UGT1A10: variants seen among roughly 807,000 people sequenced by gnomAD.
UGT1A10 encodes UDP glucuronosyltransferase family 1 member A10.
UGT1A10 carries 49 observed loss-of-function variants against 45.8 expected under a neutral mutation model. The observed-to-expected ratio is 1.07, with a 90% CI of 0.85 to 1.36. UGT1A10 has a LOEUF of 1.36. UGT1A10 is among the 40% of genes most tolerant of loss of function. The pLI is 0.00. For synonymous variants in UGT1A10, 284 were observed against 249.7 expected (o/e 1.14, Z -1.29); for missense variants, 745 against 668.6 (o/e 1.11, Z -1.26).
At chr2:233,729,179 T>C (rs200023814) in intron 1 of UGT1A10, 112 of 1,613,806 alleles carry the variant, frequency 6.9e-5, no homozygotes, top group Non-Finnish European at 9.3e-6. Context: ...GGACTGCTGC[T>C]TCTCCTCAGT....
intron 1 of UGT1A10, among the ~76,000 whole-genome samples, chr2:233,763,888 CT>C (rs1451970704): frequency 2.0e-5 from 3 of 152,126 alleles, no homozygotes; most frequent in Non-Finnish European, 1.5e-5. Flanking sequence ...AGAAAAATAA[CT>C]AAACAGAAGA....
Position 233,637,015 on chromosome 2 carries a change from T to C in UGT1A10, c.493T>C (p.Ser165Pro). 6.2e-7 allele frequency: 1 copy of C among 1,614,054 alleles called. No homozygotes were observed. Among genetic ancestry groups the C allele is most frequent in the East Asian group, 2.2e-5 (1 of 44,872 alleles). ...TGTTGCTAAATATTTCTCCCTCCCC[T>C]CTGTGGTCTTCACCAGGGGAATATT... ...LIVAKYFSLPSVVFTRGIFCH... is the reference protein window; with the variant it reads ...LIVAKYFSLPPVVFTRGIFCH... Residue 165 changes from serine (S) to proline (P), a missense_variant, in exon 1 of 5, where the codon TCT becomes CCT. Ser to Pro is a moderately conservative substitution (Grantham distance 74). Transcript: ENST00000344644.
chr2:233,691,508 C>G (rs1369652269), intron 1 of UGT1A10: 4 of 985,724 alleles, frequency 4.1e-6, no homozygotes, highest in Non-Finnish European at 4.8e-6. Context: ...ACTCGCGTGC[C>G]AGCCAGGTGT....
chr2:233,756,907 T>G (rs1416873228), intron 1 of UGT1A10, among the ~76,000 whole-genome samples: 2 of 152,072 alleles, frequency 1.3e-5, no homozygotes, highest in Admixed American at 6.5e-5. Flanking sequence ...CAGAACAAAC[T>G]TCTGAGTTTA....
rs150837733 is a variant in UGT1A10, at chr2:233,735,056, T to A, written c.856-31978T>A. ...TGCTTGGTGCAGAGCTGAGTTCAGG[T>A]CCTGGATATCCTTGTTAACCTTTGG... On this transcript the variant is annotated intron_variant, in intron 1 of 4. Coordinates refer to ENST00000344644, the MANE Select transcript of UGT1A10 (RefSeq NM_019075.4). 1.8e-3 allele frequency among the ~76,000 whole-genome samples: 281 copies of A among 152,326 alleles called. 3 individuals are homozygous for A. Among genetic ancestry groups the A allele is most frequent in the East Asian group, 0.013 (69 of 5,186 alleles).
At chr2:233,735,868 CAG>C (rs201129034) in intron 1 of UGT1A10, among the ~76,000 whole-genome samples, 5,840 of 152,248 alleles carry the variant, frequency 0.038, 150 homozygotes, top group Non-Finnish European at 0.054. Flanking sequence ...AGGGTTTCTG[CAG>C]AGAGATCTGC....
chr2:233,748,002 G>T, intron 1 of UGT1A10: 1 of 1,613,500 alleles, frequency 6.2e-7, no homozygotes, highest in Non-Finnish European at 8.5e-7. Context: ...CTTTGTGATG[G>T]ATTACCCCAG....
chr2:233,649,970 T>A (rs185073890), intron 1 of UGT1A10, among the ~76,000 whole-genome samples: 2 of 151,996 alleles, frequency 1.3e-5, no homozygotes, highest in Admixed American at 6.6e-5. Flanking sequence ...CAAGGTTTTT[T>A]GTTTGTTTGT....
At position 233,772,459 on chromosome 2, in the gene UGT1A10, C is replaced by G. The variant is rs1268705566; in HGVS notation, c.1493C>G (p.Thr498Arg). The change falls in exon 5 of 5, where the codon ACA becomes AGA. Residue 498 changes from threonine to arginine, a missense_variant. Coordinates refer to ENST00000344644, the MANE Select transcript of UGT1A10 (RefSeq NM_019075.4). ...VIGFLLAVVL[T>R]VAFITFKCCA... is the part of the protein sequence containing the mutation. Reference sequence around the variant, plus strand: ...GGTTTCCTCTTGGCCGTCGTGCTGACAGTGGCCTTCATCACCTTTAAATGT... The same window carrying G: ...GGTTTCCTCTTGGCCGTCGTGCTGAGAGTGGCCTTCATCACCTTTAAATGT... 5 of 1,614,074 alleles carry G rather than the reference C, an allele frequency of 3.1e-6. No individual in the cohort carries two copies. In the Admixed American group the frequency reaches 8.3e-5, roughly 27 times the overall value.
chr2:233,640,033 G>A (rs1410744336), intron 1 of UGT1A10, among the ~76,000 whole-genome samples: 1 of 152,202 alleles, frequency 6.6e-6, no homozygotes, highest in Non-Finnish European at 1.5e-5. Flanking sequence ...GTGCAGCTCT[G>A]CAGACCTGGG....
chr2:233,694,940 T>G (rs779505929), intron 1 of UGT1A10, among the ~76,000 whole-genome samples: 17 of 152,240 alleles, frequency 1.1e-4, no homozygotes, highest in Non-Finnish European at 2.4e-4. Context: ...TCAGGGTAAT[T>G]GAGATATCCA....
chr2:233,689,964 AG>A (rs2074968353), intron 1 of UGT1A10: 1 of 456,150 alleles, frequency 2.2e-6, no homozygotes, highest in Non-Finnish European at 4.4e-6. Flanking sequence ...CCATGCTTGG[AG>A]GAACCCACAG....
intron 1 of UGT1A10, among the ~76,000 whole-genome samples, chr2:233,666,509 C>A (rs2074077918): frequency 6.6e-6 from 1 of 152,106 alleles, no homozygotes; most frequent in Non-Finnish European, 1.5e-5. Flanking sequence ...ATTCTCTGTT[C>A]AAATCTTTGC....
At chr2:233,730,371 T>C (rs1375924319) in intron 1 of UGT1A10, among the ~76,000 whole-genome samples, 1 of 152,196 alleles carries the variant, frequency 6.6e-6, no homozygotes, top group Non-Finnish European at 1.5e-5. Flanking sequence ...AGCATGATTT[T>C]CAGGGGAAAG....
In UGT1A10 at chr2:233,760,736, C is replaced by T. The variant is rs371418452; in HGVS notation, c.856-6298C>T. ...GAAAGCAGCTTTGATGTCATGCTGA[C>T]GGACCCTTTCCTTCCTTGCAGCCCC... is the stretch of plus-strand genomic sequence containing the variant. On this transcript the variant is annotated intron_variant, in intron 1 of 4. Coordinates refer to ENST00000344644, the MANE Select transcript of UGT1A10 (RefSeq NM_019075.4). The T allele has an allele frequency of 6.2e-7, 1 of 1,614,160 alleles. No homozygotes were observed.
At chr2:233,692,660 C>T (rs1455242812) in intron 1 of UGT1A10, among the ~76,000 whole-genome samples, 4 of 152,146 alleles carry the variant, frequency 2.6e-5, no homozygotes, top group East Asian at 1.9e-4. Context: ...CCAGCAAGTT[C>T]GGGATAGAGA....
At chr2:233,692,438 A>C (rs1311287239) in intron 1 of UGT1A10, 1 of 155,598 alleles carries the variant, frequency 6.4e-6, no homozygotes, top group Admixed American at 6.2e-5. Context: ...AGTTGTGGGT[A>C]ACCTGGGGAC....
intron 1 of UGT1A10, among the ~76,000 whole-genome samples, chr2:233,665,299 A>T (rs542365796): frequency 6.6e-6 from 1 of 152,230 alleles, no homozygotes; most frequent in East Asian, 1.9e-4. Flanking sequence ...GCATTTTCCA[A>T]ATTTGTCTTT....
chr2:233,750,566 C>G (rs575907211), intron 1 of UGT1A10: 1 of 151,898 alleles, frequency 6.6e-6, no homozygotes, highest in Admixed American at 6.5e-5. Context: ...TGCAGCAGAC[C>G]CTCCCATCAC....
Sources: gnomAD v4.1 joint callset for allele counts (sites outside exome capture counted in the v4.1 genomes callset) on GRCh38, gnomAD v4.1.1 for gene constraint, MANE v1.5 for transcripts, NCBI Gene and HGNC (gene_info 2026-07-23, HGNC 2026-07-21) for gene names.